The following NELL1 variants were observed in gnomAD, a reference collection of about 807,000 sequenced individuals.
The protein encoded by NELL1 is neural EGFL like 1.
A neutral mutation model predicts 107.4 loss-of-function variants in NELL1; 76 were observed. The observed-to-expected ratio is 0.71, with a 90% CI of 0.59 to 0.86. NELL1 has a LOEUF of 0.86. Ranked by LOEUF, NELL1 falls within the 40% of genes least tolerant of loss-of-function variation. NELL1 has a pLI of 0.00. For missense variants in NELL1, 1,024 were observed against 1,005.5 expected (o/e 1.02, Z -0.25); for synonymous variants, 353 against 341.2 (o/e 1.03, Z -0.38).
chr11:21,003,622 T>C (rs1852270484), intron 12 of NELL1, among the ~76,000 whole-genome samples: 1 of 152,092 alleles, frequency 6.6e-6, no homozygotes. Flanking sequence ...TGCCCTGCTG[T>C]TTTTGGTACA....
At chr11:21,124,679 G>A (rs190190335) in intron 13 of NELL1, among the ~76,000 whole-genome samples, 8 of 150,810 alleles carry the variant, frequency 5.3e-5, no homozygotes, top group African/African-American at 1.7e-4. Flanking sequence ...TCGGCTCACT[G>A]CAACCTCCAC....
At chr11:21,331,503 G>A (rs1850272325) in intron 14 of NELL1, among the ~76,000 whole-genome samples, 1 of 152,050 alleles carries the variant, frequency 6.6e-6, no homozygotes, top group African/African-American at 2.4e-5. Flanking sequence ...GTCACTCTGG[G>A]AGACAGTAGT....
chr11:21,377,817 G>C (rs890500949), intron 15 of NELL1, among the ~76,000 whole-genome samples: 1 of 152,032 alleles, frequency 6.6e-6, no homozygotes, highest in Non-Finnish European at 1.5e-5. Flanking sequence ...TTGCTAGTTT[G>C]TGTATGTAGT....
chr11:21,505,757 T>G (rs541710787), intron 15 of NELL1, among the ~76,000 whole-genome samples: 1 of 152,228 alleles, frequency 6.6e-6, no homozygotes, highest in Non-Finnish European at 1.5e-5. Flanking sequence ...AAAGCAACTT[T>G]AATCATCCCC....
rs147796538 is a variant in NELL1, at chr11:21,175,911, T to G, written c.1427-53421T>G. Among the ~76,000 whole-genome samples the G allele has an allele frequency of 2.8e-4, 43 of 151,974 alleles. No individual in the cohort carries two copies. In the East Asian group the frequency reaches 7.9e-3, roughly 28 times the overall value. On this transcript the variant is annotated intron_variant, in intron 13 of 19. Coordinates refer to ENST00000357134, the MANE Select transcript of NELL1 (RefSeq NM_006157.5). Reference sequence around the variant, plus strand: ...TTTAGGATCTTTAGTTGACCAATCCTTCTTGCTTATCTAACCTAGATGTCT... The same window carrying G: ...TTTAGGATCTTTAGTTGACCAATCCGTCTTGCTTATCTAACCTAGATGTCT...
In NELL1 at chr11:20,851,498, A is replaced by G. The variant is rs538289162; in HGVS notation, c.506+3745A>G. Among the ~76,000 whole-genome samples the G allele has an allele frequency of 1.3e-4, 20 of 152,262 alleles. No homozygotes were observed. In the South Asian group the frequency reaches 3.9e-3, roughly 30 times the overall value. On this transcript the variant is annotated intron_variant, in intron 4 of 19. Transcript: ENST00000357134. Reference sequence around the variant, plus strand: ...ACCTTTTATATTAAGAGTTGGCAACAAAGCCTGGAATGGAACCTGAAGAAA... The same window carrying G: ...ACCTTTTATATTAAGAGTTGGCAACGAAGCCTGGAATGGAACCTGAAGAAA...
chr11:21,027,002 C>T (rs573004418), intron 12 of NELL1, among the ~76,000 whole-genome samples: 1 of 152,176 alleles, frequency 6.6e-6, no homozygotes, highest in Non-Finnish European at 1.5e-5. Flanking sequence ...CATGGCATTT[C>T]CCAGCATCCT....
chr11:21,553,242 G>A (rs1856633725), intron 16 of NELL1, among the ~76,000 whole-genome samples: 1 of 151,800 alleles, frequency 6.6e-6, no homozygotes, highest in Admixed American at 6.6e-5. Flanking sequence ...CACCTTGGCT[G>A]GATTCCCCAT....
intron 13 of NELL1, among the ~76,000 whole-genome samples, chr11:21,131,287 T>C (rs1260258632): frequency 6.6e-6 from 1 of 152,216 alleles, no homozygotes. Context: ...TATTTATGTT[T>C]AGAAGCAATG....
At chr11:21,093,673 A>G (rs1590629293) in intron 12 of NELL1, among the ~76,000 whole-genome samples, 1 of 152,226 alleles carries the variant, frequency 6.6e-6, no homozygotes, top group African/African-American at 2.4e-5. Context: ...GCGGAAGGCA[A>G]TGAGGAGCAA....
chr11:20,804,216 T>A (rs1857336146), intron 3 of NELL1, among the ~76,000 whole-genome samples: 1 of 152,126 alleles, frequency 6.6e-6, no homozygotes. Flanking sequence ...GTTTCAAAAA[T>A]TTTTTTCAAT....
chr11:20,743,006 A>T (rs901986654), intron 2 of NELL1, among the ~76,000 whole-genome samples: 7 of 152,158 alleles, frequency 4.6e-5, no homozygotes, highest in African/African-American at 1.7e-4. Flanking sequence ...GCTTCTAACC[A>T]ATCTGTATTC....
At chr11:20,692,346 C>T (rs1854490573) in intron 2 of NELL1, among the ~76,000 whole-genome samples, 1 of 151,722 alleles carries the variant, frequency 6.6e-6, no homozygotes. Flanking sequence ...TGTGTTTGCT[C>T]TTGCTTCTCT....
In NELL1 at chr11:21,403,922, A is replaced by G. The variant is rs183786658; in HGVS notation, c.1645+32974A>G. ...CTTTTTTGGGATGTTAAGAATGAGC[A>G]GCTAGAGCGTTCCGTGACTTATGGA... On this transcript the variant is annotated intron_variant, in intron 15 of 19. Coordinates refer to ENST00000357134, the MANE Select transcript of NELL1 (RefSeq NM_006157.5). 2.2e-3 allele frequency among the ~76,000 whole-genome samples: 336 copies of G among 149,460 alleles called. 5 individuals are homozygous for G. The highest frequency in any genetic ancestry group is 8.0e-3 in the African/African-American group (321 of 40,012).
intron 13 of NELL1, among the ~76,000 whole-genome samples, chr11:21,223,821 C>G (rs1857823683): frequency 6.6e-6 from 1 of 152,100 alleles, no homozygotes; most frequent in Non-Finnish European, 1.5e-5. Context: ...TGATGTAGGA[C>G]TTTGTTAAGC....
Position 21,274,394 on chromosome 11 carries a change from C to A in NELL1, c.1549+44940C>A, listed in dbSNP as rs1334536863. Among the ~76,000 whole-genome samples, 2 of 152,126 alleles carry A rather than the reference C, an allele frequency of 1.3e-5. 1 individual carries two copies. The highest frequency in any genetic ancestry group is 1.3e-4 in the Admixed American group (2 of 15,264). ...CCCAATACAGGAGCACCCAGATTCA[C>A]AAAGCAAGTCCTTAGAGACCTACAA... is the stretch of plus-strand genomic sequence containing the variant. On this transcript the variant is annotated intron_variant, in intron 14 of 19. Transcript: ENST00000357134.
rs547226717 is a variant in NELL1 at position 21,182,289 on chromosome 11, C to T, written c.1427-47043C>T. Reference sequence around the variant, plus strand: ...TCTCTACTAAAAATACAAAAATTAGCCGGATGTGGTGTCAGGTGTCTGTAA... The same window carrying T: ...TCTCTACTAAAAATACAAAAATTAGTCGGATGTGGTGTCAGGTGTCTGTAA... On this transcript the variant is annotated intron_variant, in intron 13 of 19. Transcript: ENST00000357134. Among the ~76,000 whole-genome samples the T allele has an allele frequency of 4.6e-5, 7 of 151,712 alleles. No homozygotes were observed. In the South Asian group the frequency reaches 1.2e-3, roughly 27 times the overall value.
chr11:21,544,937 A>G (rs966555554), intron 16 of NELL1, among the ~76,000 whole-genome samples: 1 of 151,766 alleles, frequency 6.6e-6, no homozygotes. Flanking sequence ...TACTTGCTCT[A>G]TAACTATCAG....
intron 15 of NELL1, among the ~76,000 whole-genome samples, chr11:21,421,229 A>G (rs1852660603): frequency 6.6e-6 from 1 of 152,178 alleles, no homozygotes; most frequent in Admixed American, 6.5e-5. Context: ...CTGCCTCTTC[A>G]CCTAAACAAT....
Sources: gnomAD v4.1 joint callset for allele counts (sites outside exome capture counted in the v4.1 genomes callset) on GRCh38, gnomAD v4.1.1 for gene constraint, MANE v1.5 for transcripts, NCBI Gene and HGNC (gene_info 2026-07-23, HGNC 2026-07-21) for gene names.